Variants in SPON1 observed in about 807,000 individuals in gnomAD.
The protein encoded by SPON1 is spondin 1.
SPON1 carries 52 observed loss-of-function variants against 111.7 expected under a neutral mutation model. That is an observed-to-expected ratio of 0.47 (90% CI 0.37 to 0.59). SPON1 has a LOEUF of 0.59. Ranked by LOEUF, SPON1 falls within the 20% of genes least tolerant of loss-of-function variation. The pLI is 0.00. For synonymous variants in SPON1, 410 were observed against 395.8 expected (o/e 1.04, Z -0.43); for missense variants, 957 against 1,068.5 (o/e 0.90, Z 1.46).
At chr11:14,204,396 C>T (rs1189778813) in intron 6 of SPON1, among the ~76,000 whole-genome samples, 2 of 152,188 alleles carry the variant, frequency 1.3e-5, no homozygotes, top group African/African-American at 2.4e-5. Context: ...ATCCTCCTAC[C>T]TCAGCCTCCC....
At chr11:14,108,395 A>C (rs1849201531) in intron 5 of SPON1, among the ~76,000 whole-genome samples, 1 of 152,152 alleles carries the variant, frequency 6.6e-6, no homozygotes, top group Non-Finnish European at 1.5e-5. Context: ...TATCTTGGAT[A>C]AGTCTTCTCA....
chr11:14,158,669 C>T (rs1554930608), intron 6 of SPON1, among the ~76,000 whole-genome samples: 1 of 152,174 alleles, frequency 6.6e-6, no homozygotes, highest in Non-Finnish European at 1.5e-5. Flanking sequence ...AGGATCTTGG[C>T]CTTCAAGTCC....
intron 6 of SPON1, among the ~76,000 whole-genome samples, chr11:14,143,583 G>A (rs1847682590): frequency 2.0e-5 from 3 of 151,686 alleles, no homozygotes. Context: ...AAGGGCAGGG[G>A]AAACTGAAGG....
chr11:14,199,721 C>A (rs551894797), intron 6 of SPON1, among the ~76,000 whole-genome samples: 78 of 152,350 alleles, frequency 5.1e-4, no homozygotes, highest in African/African-American at 1.8e-3. Flanking sequence ...TGTGCATGCT[C>A]ATATGTATGT....
At chr11:13,984,656 T>C (rs528157227) in intron 2 of SPON1, among the ~76,000 whole-genome samples, 1 of 152,294 alleles carries the variant, frequency 6.6e-6, no homozygotes, top group Admixed American at 6.5e-5. Context: ...GGGGATTAAG[T>C]TTCCAACACA....
chr11:14,160,484 T>C (rs185345358), intron 6 of SPON1, among the ~76,000 whole-genome samples: 648 of 6,650 alleles, frequency 0.097, 93 homozygotes, highest in South Asian at 0.17. Context: ...TATATATTTA[T>C]ATATATATAT....
chr11:14,000,960 A>G (rs1554912374), intron 2 of SPON1, among the ~76,000 whole-genome samples: 1 of 152,196 alleles, frequency 6.6e-6, no homozygotes, highest in African/African-American at 2.4e-5. Flanking sequence ...TTGTATAAGA[A>G]CTTCTAATGT....
At chr11:14,023,982 A>G (rs1434219806) in intron 2 of SPON1, among the ~76,000 whole-genome samples, 2 of 147,602 alleles carry the variant, frequency 1.4e-5, no homozygotes, top group African/African-American at 2.5e-5. Flanking sequence ...AGCCTCGGTG[A>G]CAGTGCGAGA....
chr11:14,224,513 G>A (rs1422002697), intron 6 of SPON1, among the ~76,000 whole-genome samples: 2 of 152,168 alleles, frequency 1.3e-5, no homozygotes, highest in African/African-American at 4.8e-5. Context: ...TGGGTTCAGA[G>A]GCTGGTTCCT....
rs1217943559 is a variant in SPON1 at position 14,008,873 on chromosome 11, C to A, written c.345+25920C>A. 2.0e-5 allele frequency among the ~76,000 whole-genome samples: 3 copies of A among 152,302 alleles called. No individual in the cohort carries two copies. In the East Asian group the frequency reaches 5.8e-4, roughly 29 times the overall value. On this transcript the variant is annotated intron_variant, in intron 2 of 15. Transcript: ENST00000576479. The stretch of plus-strand genomic sequence containing the variant: ...AAAGAACAATTTAAAAACCTTACAA[C>A]AAACAAAATTCCACCCCCTGGCCAA...
rs192847292 is a variant in SPON1, at chr11:14,160,458, T to C, written c.825+24890T>C. ...ATATATATATTTATATATATATTTATATATATATATTTATATATATATTTA... is the reference window on the plus strand; with the variant it reads ...ATATATATATTTATATATATATTTACATATATATATTTATATATATATTTA... On this transcript the variant is annotated intron_variant, in intron 6 of 15. Transcript: ENST00000576479. Among the ~76,000 whole-genome samples the C allele has an allele frequency of 9.9e-4, 14 of 14,098 alleles. 1 individual carries two copies. In the South Asian group the frequency reaches 0.011, roughly 11 times the overall value. The allele number at this position is 14,098 out of a possible 152,430, so 9.2% of individuals were successfully genotyped here.
intron 2 of SPON1, among the ~76,000 whole-genome samples, chr11:14,019,408 G>A (rs896561066): frequency 2.0e-5 from 3 of 149,898 alleles, no homozygotes; most frequent in Non-Finnish European, 4.4e-5. Context: ...AATATACAAT[G>A]TATATAAAAT....
chr11:14,041,759 T>C, intron 3 of SPON1, 105 bp downstream of exon 3: 1 of 1,292,258 alleles, frequency 7.7e-7, no homozygotes, highest in South Asian at 1.4e-5. Context: ...AGTTGCATCA[T>C]CTCTCTGCCC....
intron 6 of SPON1, among the ~76,000 whole-genome samples, chr11:14,174,851 A>C (rs1178425043): frequency 2.0e-5 from 3 of 152,322 alleles, no homozygotes; most frequent in East Asian, 3.9e-4. Flanking sequence ...AATCCTTTCA[A>C]ATCTCTTATT....
intron 6 of SPON1, among the ~76,000 whole-genome samples, chr11:14,163,859 G>A (rs1847996952): frequency 6.6e-6 from 1 of 150,934 alleles, no homozygotes; most frequent in South Asian, 2.1e-4. Flanking sequence ...TTTAGCAACA[G>A]CCCTGGTTAC....
At chr11:14,152,847 GAGATGGGGGTTTCCTCTGTTTC>G (rs1251333062) in intron 6 of SPON1, among the ~76,000 whole-genome samples, 3 of 152,184 alleles carry the variant, frequency 2.0e-5, no homozygotes, top group African/African-American at 7.2e-5. Context: ...TGGATCTTTT[GAGATGGGGGTTTCCTCTGTTTC>G]AGTGGCCAAG....
At chr11:14,121,826 AC>A (rs532679858) in intron 5 of SPON1, among the ~76,000 whole-genome samples, 176 of 152,238 alleles carry the variant, frequency 1.2e-3, no homozygotes, top group Non-Finnish European at 1.7e-3. Context: ...ATTTAAAAAA[AC>A]GTTTTATTTT....
At chr11:14,139,719 T>C (rs905029532) in intron 6 of SPON1, among the ~76,000 whole-genome samples, 1 of 150,640 alleles carries the variant, frequency 6.6e-6, no homozygotes. Context: ...AATATATATA[T>C]ATATATTTAA....
intron 2 of SPON1, among the ~76,000 whole-genome samples, chr11:14,037,862 C>CAA (rs71041564): frequency 9.2e-5 from 14 of 152,118 alleles, no homozygotes; most frequent in South Asian, 2.1e-4. Flanking sequence ...CCAAAATATG[C>CAA]AAAAAACTCT....
Sources: gnomAD v4.1 joint callset for allele counts (sites outside exome capture counted in the v4.1 genomes callset) on GRCh38, gnomAD v4.1.1 for gene constraint, MANE v1.5 for transcripts, NCBI Gene and HGNC (gene_info 2026-07-23, HGNC 2026-07-21) for gene names.